DCP2: variants seen among roughly 807,000 people sequenced by gnomAD.
DCP2 encodes decapping mRNA 2, also known as m7GpppN-mRNA hydrolase.
A neutral mutation model predicts 56.1 loss-of-function variants in DCP2; 30 were observed. The ratio of observed to expected loss-of-function variants is 0.53; its 90% confidence interval spans 0.40 to 0.73. DCP2 has a LOEUF of 0.73. Ranked by LOEUF, DCP2 falls within the 30% of genes least tolerant of loss-of-function variation. The probability of loss-of-function intolerance (pLI) is 0.00; values close to 1 mark genes in which losing one functional copy is unlikely to be tolerated. For missense variants in DCP2, 533 were observed against 502.7 expected, an observed-to-expected ratio of 1.06 and a Z score of -0.58; for synonymous variants, 197 against 163.3, an observed-to-expected ratio of 1.21 and a Z score of -1.57.
chr5:113,020,833 T>C lies in DCP2; in HGVS notation c.*7349T>C, dbSNP rs1057455694. 1 of 152,204 alleles carries C rather than the reference T, an allele frequency of 6.6e-6. No individual in the cohort carries two copies. The highest frequency in any genetic ancestry group is 1.5e-5 in the Non-Finnish European group (1 of 68,040). 9.4% of individuals were successfully genotyped at this position (152,204 alleles called of 1,614,324 possible). A position where few individuals can be genotyped will look rare whatever the true frequency, so the allele number is the denominator to read the frequency against. ...ATAATAGGTTAGAAACTAAAAGCCT[T>C]TTAATCTTACAAAATACAATTTGAA... On this transcript the variant is annotated 3_prime_UTR_variant, in exon 11 of 11. Coordinates refer to ENST00000389063, the MANE Select transcript of DCP2 (RefSeq NM_152624.6).
At chr5:113,008,224 C>G (rs1008933948) in intron 9 of DCP2, 182 bp downstream of exon 9, 7 of 508,776 alleles carry the variant, frequency 1.4e-5, no homozygotes, top group Admixed American at 6.8e-5. Context: ...CTCTTAATTA[C>G]AAATGTATAA....
intron 4 of DCP2, among the ~76,000 whole-genome samples, chr5:112,999,774 C>T (rs1403466561): frequency 8.6e-5 from 13 of 151,584 alleles, no homozygotes; most frequent in Admixed American, 7.9e-4. Context: ...GAAAAACAGG[C>T]GTGCGGCCGG....
At chr5:113,009,946 C>A (rs1749607075) in intron 9 of DCP2, among the ~76,000 whole-genome samples, 1 of 138,916 alleles carries the variant, frequency 7.2e-6, no homozygotes, top group African/African-American at 2.7e-5. Context: ...GAGACAGGGT[C>A]TCGCTCTGTC....
chr5:112,983,098 G>A (rs1748086427), intron 1 of DCP2, among the ~76,000 whole-genome samples: 1 of 152,194 alleles, frequency 6.6e-6, no homozygotes, highest in Admixed American at 6.5e-5. Context: ...CACACAGACT[G>A]CCATGCCAAG....
Position 113,015,405 on chromosome 5 carries a change from G to C in DCP2, c.*1921G>C, listed in dbSNP as rs1353412678. 1 of 151,502 alleles carries C rather than the reference G, an allele frequency of 6.6e-6. No homozygotes were observed. Among genetic ancestry groups the C allele is most frequent in the Non-Finnish European group, 1.5e-5 (1 of 67,812 alleles). 9.4% of individuals were successfully genotyped at this position (151,502 alleles called of 1,614,324 possible). Reference sequence around the variant, plus strand: ...AGTGCATACTTTGGCCAGTCTTCCTGGTGCCTGTAGAGTTGGATTTTTCAG... The same window carrying C: ...AGTGCATACTTTGGCCAGTCTTCCTCGTGCCTGTAGAGTTGGATTTTTCAG... On this transcript the variant is annotated 3_prime_UTR_variant, in exon 11 of 11. Transcript: ENST00000389063.
intron 9 of DCP2, 37 bp from the exon 10 acceptor site, chr5:113,010,719 A>ATG (rs201023531): frequency 1.7e-4 from 203 of 1,200,218 alleles, no homozygotes; most frequent in East Asian, 1.4e-3. Context: ...ACTGTGTTGT[A>ATG]TGTGTGTGTG....
rs1245251987 is a variant in DCP2 at position 113,006,851 on chromosome 5, A to C, written c.943-1087A>C. 2.6e-5 allele frequency among the ~76,000 whole-genome samples: 4 copies of C among 152,198 alleles called. No homozygotes were observed. The South Asian group carries it at 8.3e-4, about 31-fold the overall frequency. Reference sequence around the variant, plus strand: ...GCCCACATTTTAAAACATAAATCTTAGCCGGGAACGTTGGCTCACACCTGT... The same window carrying C: ...GCCCACATTTTAAAACATAAATCTTCGCCGGGAACGTTGGCTCACACCTGT... On this transcript the variant is annotated intron_variant, in intron 8 of 10. Transcript: ENST00000389063.
At chr5:112,989,035 T>G (rs984423860) in intron 2 of DCP2, among the ~76,000 whole-genome samples, 6 of 152,240 alleles carry the variant, frequency 3.9e-5, no homozygotes, top group Non-Finnish European at 8.8e-5. Flanking sequence ...TACACTTCAT[T>G]AAGTAACTTC....
chr5:112,992,697 C>G lies in DCP2; in HGVS notation c.359C>G (p.Ala120Gly). The change falls in exon 4 of 11, where the codon GCA becomes GGA. Residue 120 changes from alanine to glycine, a missense_variant. By Grantham distance (60) the Ala-to-Gly change is moderately conservative. This residue lies in a region of DCP2 where 4 missense variants were observed against 17.9 expected (regional missense o/e 0.22). Coordinates refer to ENST00000389063, the MANE Select transcript of DCP2 (RefSeq NM_152624.6). ...ENVLLVQGYL[A>G]KSGWGFPKGK... ...GTACTACTAGTTCAGGGGTACCTAG[C>G]AAAATCAGGCTGGGGATTTCCAAAA... The G allele has an allele frequency of 6.3e-7, 1 of 1,584,020 alleles. No individual in the cohort carries two copies. The highest frequency in any genetic ancestry group is 8.5e-7 in the Non-Finnish European group (1 of 1,171,090).
At chr5:113,000,420 A>ACACCCC (rs1554100629) in intron 4 of DCP2, among the ~76,000 whole-genome samples, 176 of 146,760 alleles carry the variant, frequency 1.2e-3, no homozygotes, top group African/African-American at 4.0e-3. Flanking sequence ...ACACACACAC[A>ACACCCC]CACACCCACA....
rs147097919 is a variant in DCP2, at chr5:112,996,256, A to G, written c.432+3486A>G. 9.2e-5 allele frequency among the ~76,000 whole-genome samples: 14 copies of G among 152,324 alleles called. No homozygotes were observed. The East Asian group carries it at 2.1e-3, about 23-fold the overall frequency. On this transcript the variant is annotated intron_variant, in intron 4 of 10. Coordinates refer to ENST00000389063, the MANE Select transcript of DCP2 (RefSeq NM_152624.6). ...AAGCTGCACGGCTTGACCGAGTGAC[A>G]TTACCAGTTGTAAACCAGATGGTTA...
chr5:112,986,060 C>A, intron 2 of DCP2, 74 bp downstream of exon 2: 2 of 1,403,744 alleles, frequency 1.4e-6, no homozygotes, highest in Non-Finnish European at 1.9e-6. Flanking sequence ...TTTTTGCTTG[C>A]CTTTTCAGAT....
intron 6 of DCP2, 26 bp downstream of exon 6, chr5:113,001,495 A>T: frequency 6.2e-7 from 1 of 1,606,874 alleles, no homozygotes; most frequent in Non-Finnish European, 8.5e-7. Context: ...TTGAAATGTA[A>T]CTTTCATGAT....
intron 7 of DCP2, 61 bp from the exon 8 acceptor site, chr5:113,003,881 G>T (rs115463767): frequency 0.026 from 40,176 of 1,543,646 alleles, 647 homozygotes; most frequent in Non-Finnish European, 0.031. Flanking sequence ...AACTATTAAG[G>T]TGTTAAAAGA....
intron 5 of DCP2, 56 bp downstream of exon 5, chr5:113,001,292 G>C (rs1158018788): frequency 6.3e-7 from 1 of 1,597,670 alleles, no homozygotes; most frequent in Non-Finnish European, 8.5e-7. Flanking sequence ...GAATAAGTAG[G>C]GAAATCCTTT....
At chr5:112,998,247 C>T (rs761512732) in intron 4 of DCP2, among the ~76,000 whole-genome samples, 2 of 152,168 alleles carry the variant, frequency 1.3e-5, no homozygotes, top group Non-Finnish European at 2.9e-5. Flanking sequence ...GTACTACTTC[C>T]TCCCTTGTAA....
At chr5:112,996,924 C>A (rs1748883493) in intron 4 of DCP2, among the ~76,000 whole-genome samples, 2 of 152,158 alleles carry the variant, frequency 1.3e-5, no homozygotes, top group African/African-American at 4.8e-5. Context: ...ATAAAATGAG[C>A]ATTCCAATGG....
chr5:112,992,067 T>G, intron 2 of DCP2, 54 bp from the exon 3 acceptor site: 1 of 1,593,792 alleles, frequency 6.3e-7, no homozygotes, highest in Non-Finnish European at 8.5e-7. Flanking sequence ...TTTCTGTATA[T>G]AATTTCTCAA....
chr5:112,990,376 A>C (rs992645279), intron 2 of DCP2, among the ~76,000 whole-genome samples: 12 of 152,190 alleles, frequency 7.9e-5, no homozygotes, highest in African/African-American at 2.7e-4. Flanking sequence ...AGCACTCAGC[A>C]ACGTGGATAC....
Sources: allele counts gnomAD v4.1 joint callset (sites outside exome capture counted in the v4.1 genomes callset), GRCh38; gene constraint gnomAD v4.1.1; regional missense constraint gnomAD v4.1.1; transcripts MANE v1.5; gene names NCBI Gene and HGNC (gene_info 2026-07-23, HGNC 2026-07-21).